LSM4: variants seen among roughly 807,000 people sequenced by gnomAD.
The protein encoded by LSM4 is LSM4 homolog, U6 small nuclear RNA and mRNA degradation associated.
A neutral mutation model predicts 22.3 loss-of-function variants in LSM4; 15 were observed. The observed-to-expected ratio is 0.67, with a 90% CI of 0.45 to 1.03. The LOEUF (loss-of-function observed/expected upper bound fraction) is 1.03. LSM4 is among the 50% of genes least tolerant of loss of function. LSM4 has a pLI of 0.00. For synonymous variants in LSM4, 90 were observed against 79.8 expected (o/e 1.13, Z -0.68); for missense variants, 127 against 198.0 (o/e 0.64, Z 2.15).
intron 4 of LSM4, among the ~76,000 whole-genome samples, chr19:18,308,839 G>GGT (rs1396838568): frequency 2.0e-5 from 3 of 152,192 alleles, no homozygotes; most frequent in Non-Finnish European, 2.9e-5. Flanking sequence ...GCTGTGCTAG[G>GGT]GTGCACAGCC....
At chr19:18,314,395 C>T (rs1382663661) in intron 2 of LSM4, among the ~76,000 whole-genome samples, 4 of 151,618 alleles carry the variant, frequency 2.6e-5, no homozygotes, top group South Asian at 2.1e-4. Context: ...GGCGTGGTGG[C>T]GTGTACCTGT....
chr19:18,322,391 G>A (rs1970434136), intron 1 of LSM4, among the ~76,000 whole-genome samples: 1 of 152,114 alleles, frequency 6.6e-6, no homozygotes, highest in African/African-American at 2.4e-5. Context: ...CAGAGACCTG[G>A]GCCGCAATTT....
intron 1 of LSM4, among the ~76,000 whole-genome samples, chr19:18,318,931 A>C (rs902301017): frequency 6.6e-6 from 1 of 152,232 alleles, no homozygotes; most frequent in African/African-American, 2.4e-5. Flanking sequence ...AGCAGCAGAA[A>C]GAACATCTGA....
intron 1 of LSM4, among the ~76,000 whole-genome samples, chr19:18,319,014 G>T (rs894416974): frequency 6.6e-6 from 1 of 152,164 alleles, no homozygotes; most frequent in Non-Finnish European, 1.5e-5. Flanking sequence ...AGGCTGAGGC[G>T]GGCAGATCAC....
chr19:18,312,489 G>A lies in LSM4; in HGVS notation c.144+115C>T, dbSNP rs926574351. ...CCTCCTGACTGACCCCTGGAAGGAC[G>A]AGCAGTCCTAGGCGGCCTCCCCCAC... On this transcript the variant is annotated intron_variant, in intron 3 of 4. Transcript: ENST00000593829. 2.9e-4 allele frequency: 242 copies of A among 826,406 alleles called. 2 individuals carry two copies. Among genetic ancestry groups the A allele is most frequent in the Middle Eastern group, 2.6e-4 (1 of 3,902 alleles). 51.2% of individuals were successfully genotyped at this position (826,406 alleles called of 1,614,324 possible). A position where few individuals can be genotyped will look rare whatever the true frequency, so the allele number is the denominator to read the frequency against.
Position 18,316,097 on chromosome 19 carries a change from T to C in LSM4, c.4-32A>G, listed in dbSNP as rs754918610. The stretch of plus-strand genomic sequence containing the variant: ...GGCAAATAAAGCCACATGATTTGTC[T>C]GTTTGACCAGCGCCTGGGAGCTCTG... On this transcript the variant is annotated intron_variant, in intron 1 of 4. Transcript: ENST00000593829. The C allele has an allele frequency of 1.6e-5, 26 of 1,611,850 alleles. No homozygotes were observed. The Admixed American group carries it at 4.2e-4, about 26-fold the overall frequency.
intron 2 of LSM4, among the ~76,000 whole-genome samples, chr19:18,313,344 C>T (rs1224646852): frequency 6.6e-6 from 1 of 152,142 alleles, no homozygotes. Context: ...GCCAGGTGGG[C>T]ACAGCTGGGC....
intron 2 of LSM4, among the ~76,000 whole-genome samples, chr19:18,314,855 G>A (rs1970337122): frequency 6.6e-6 from 1 of 151,908 alleles, no homozygotes. Context: ...CCACTAAATT[G>A]TGCACTTTAA....
chr19:18,318,035 C>G (rs987219229), intron 1 of LSM4, among the ~76,000 whole-genome samples: 3 of 152,176 alleles, frequency 2.0e-5, no homozygotes, highest in African/African-American at 4.8e-5. Flanking sequence ...GAGGAAGGCC[C>G]CAGCACCAAG....
In LSM4 at chr19:18,307,786, C is replaced by CCG. The variant is rs1253971227; in HGVS notation, c.329-232_329-231insCG. Among the ~76,000 whole-genome samples, 26 of 150,288 alleles carry CCG rather than the reference C, an allele frequency of 1.7e-4. No individual in the cohort carries two copies. In the East Asian group the frequency reaches 5.2e-3, roughly 30 times the overall value. ...GGACTAGACCCAGCCCCCAGGGATG[C>CCG]GGGGGGGGGGGACTAGGCGACAGAG... is the stretch of plus-strand genomic sequence containing the variant. On this transcript the variant is annotated intron_variant, in intron 4 of 4. Transcript: ENST00000593829.
At position 18,313,150 on chromosome 19, in the gene LSM4, CGGAGGTTGCAGTGAGTTGAGATAGGG is replaced by C. The variant is rs549224328; in HGVS notation, c.46-474_46-449del. ...AGGAGAACTGTTTGAACCCAGGAGGCGGAGGTTGCAGTGAGTTGAGATAGGGGGAGGTTGCAGTGAGCTGAGATCGC... is the reference window on the plus strand; with the variant it reads ...AGGAGAACTGTTTGAACCCAGGAGGCGGAGGTTGCAGTGAGCTGAGATCGC... On this transcript the variant is annotated intron_variant, in intron 2 of 4. Coordinates refer to ENST00000593829, the MANE Select transcript of LSM4 (RefSeq NM_012321.5). Among the ~76,000 whole-genome samples the C allele has an allele frequency of 2.0e-3, 304 of 152,206 alleles. 1 individual carries two copies. The highest frequency in any genetic ancestry group is 7.0e-3 in the African/African-American group (291 of 41,532).
At chr19:18,312,540 G>C in intron 3 of LSM4, 64 bp downstream of exon 3, 3 of 1,366,604 alleles carry the variant, frequency 2.2e-6, no homozygotes, top group Non-Finnish European at 3.1e-6. Context: ...GGCCCAGGGA[G>C]GGAGGGAGGA....
At chr19:18,310,938 CT>C (rs1212759015) in intron 3 of LSM4, among the ~76,000 whole-genome samples, 6 of 152,220 alleles carry the variant, frequency 3.9e-5, no homozygotes, top group Admixed American at 3.3e-4. Context: ...CACTTCTCAT[CT>C]GGCTAACTTT....
chr19:18,322,939 C>T, intron 1 of LSM4, 79 bp downstream of exon 1: 2 of 1,564,668 alleles, frequency 1.3e-6, no homozygotes, highest in South Asian at 2.3e-5. Context: ...CCAACCAAGC[C>T]CACAGCGCCC....
intron 1 of LSM4, among the ~76,000 whole-genome samples, chr19:18,321,031 C>T (rs1970419563): frequency 6.6e-6 from 1 of 152,206 alleles, no homozygotes; most frequent in Non-Finnish European, 1.5e-5. Context: ...CTAACCTAGG[C>T]CACTCCTTCT....
chr19:18,313,020 A>G (rs764651254), intron 2 of LSM4, among the ~76,000 whole-genome samples: 4 of 152,222 alleles, frequency 2.6e-5, no homozygotes, highest in Non-Finnish European at 4.4e-5. Context: ...AAAGATTGAG[A>G]CCATCCTGAC....
chr19:18,307,540 C>T lies in LSM4; in HGVS notation c.344G>A (p.Arg115Gln), dbSNP rs1463148481. Residue 115 changes from arginine (R) to glutamine (Q), a missense_variant, in exon 5 of 5, where the codon CGG (arginine) becomes CAG (glutamine). Arg to Gln is a conservative substitution (Grantham distance 43). Transcript: ENST00000593829. Reference sequence around the variant, plus strand: ...TGTGCCCGGGATCCCACCTCGGCCCCGGCCACCAAACACACCTAGAGGACA... The same window carrying T: ...TGTGCCCGGGATCCCACCTCGGCCCTGGCCACCAAACACACCTAGAGGACA... Reference protein sequence around the residue: ...GGAGRGVFGGRGRGGIPGTGR... With the variant: ...GGAGRGVFGGQGRGGIPGTGR... 3.9e-6 allele frequency: 6 copies of T among 1,543,264 alleles called. No homozygotes were observed. Among genetic ancestry groups the T allele is most frequent in the Non-Finnish European group, 5.2e-6 (6 of 1,144,370 alleles).
chr19:18,307,600 G>A, intron 4 of LSM4, 45 bp from the exon 5 acceptor site: 2 of 1,368,280 alleles, frequency 1.5e-6, no homozygotes, highest in Non-Finnish European at 1.9e-6. Context: ...AGGTGGGTGG[G>A]ACCTTCGACA....
intron 3 of LSM4, among the ~76,000 whole-genome samples, chr19:18,310,476 G>A (rs1202761904): frequency 6.6e-6 from 1 of 152,150 alleles, no homozygotes; most frequent in African/African-American, 2.4e-5. Context: ...GCTCAAGGGC[G>A]GCTCCCAGCG....
Sources: gnomAD v4.1 joint callset for allele counts (sites outside exome capture counted in the v4.1 genomes callset) on GRCh38, gnomAD v4.1.1 for gene constraint, MANE v1.5 for transcripts, NCBI Gene and HGNC (gene_info 2026-07-23, HGNC 2026-07-21) for gene names.